Variants in E2F7 observed in about 807,000 individuals in gnomAD.
E2F7 encodes the protein E2F transcription factor 7, also known as transcription factor E2F7.
In E2F7, 35 loss-of-function variants were observed where a neutral mutation model predicts 81.1. That is an observed-to-expected ratio of 0.43 (90% confidence interval 0.33 to 0.57). The LOEUF is 0.57. E2F7 is among the 20% of genes least tolerant of loss of function. The pLI is 0.04. For synonymous variants in E2F7, 416 were observed against 416.2 expected, an observed-to-expected ratio of 1.00 and a Z score of 0.01; for missense variants, 961 against 1,093.7, an observed-to-expected ratio of 0.88 and a Z score of 1.71.
chr12:77,034,143 C>T, intron 7 of E2F7, 101 bp from the exon 8 acceptor site: 1 of 947,052 alleles, frequency 1.1e-6, no homozygotes, highest in Non-Finnish European at 1.5e-6. Context: ...TGTAATGGAG[C>T]TATCACCCTA....
At position 77,030,065 on chromosome 12, in the gene E2F7, G is replaced by C. The variant is rs1041733936; in HGVS notation, c.1650C>G (p.Pro550=). ...CATACAGCATGAACAGTGAGGCAGAGGGCACATACACTAGAGGCTGGCCAG... is the reference window on the plus strand; with the variant it reads ...CATACAGCATGAACAGTGAGGCAGACGGCACATACACTAGAGGCTGGCCAG... The part of the protein sequence containing the change: ...LLAGQPLVYV[P]SASLFMLYGS... The change falls in exon 10 of 13, where the codon CCC becomes CCG. Residue 550 remains proline, a synonymous_variant. Coordinates refer to ENST00000322886, the MANE Select transcript of E2F7 (RefSeq NM_203394.3). The C allele has an allele frequency of 3.1e-6, 5 of 1,614,066 alleles. No homozygotes were observed. Among genetic ancestry groups the C allele is most frequent in the Non-Finnish European group, 4.2e-6 (5 of 1,180,040 alleles).
At chr12:77,055,362 T>A (rs1022661838) in intron 3 of E2F7, among the ~76,000 whole-genome samples, 3 of 151,964 alleles carry the variant, frequency 2.0e-5, no homozygotes, top group African/African-American at 7.3e-5. Flanking sequence ...TACCTTTTTT[T>A]TTTTTTTTAA....
intron 4 of E2F7, among the ~76,000 whole-genome samples, chr12:77,046,778 T>TC (rs533372235): frequency 6.6e-6 from 1 of 152,234 alleles, no homozygotes; most frequent in African/African-American, 2.4e-5. Flanking sequence ...AACTGACACT[T>TC]CCCTATTAGA....
chr12:77,032,716 T>G (rs1253874466), intron 9 of E2F7, among the ~76,000 whole-genome samples: 1 of 152,204 alleles, frequency 6.6e-6, no homozygotes, highest in South Asian at 2.1e-4. Context: ...TGGTAGTTAG[T>G]GGCAAAACCA....
Position 77,043,190 on chromosome 12 carries a change from C to T in E2F7, c.998G>A (p.Arg333Gln). ...AACATTGGCTATGTCATAGAGGCGTCGTACCTTTGCTTGAAGATATAAAAC... is the reference window on the plus strand; with the variant it reads ...AACATTGGCTATGTCATAGAGGCGTTGTACCTTTGCTTGAAGATATAAAAC... ...PDHSKFKTKVRRLYDIANVLT... is the reference protein window; with the variant it reads ...PDHSKFKTKVQRLYDIANVLT... The change falls in exon 7 of 13, where the codon CGA (arginine) becomes CAA (glutamine). Residue 333 changes from arginine to glutamine, a missense_variant. Coordinates refer to ENST00000322886, the MANE Select transcript of E2F7 (RefSeq NM_203394.3). 6.2e-7 allele frequency: 1 copy of T among 1,614,070 alleles called. No homozygotes were observed. Among genetic ancestry groups the T allele is most frequent in the Non-Finnish European group, 8.5e-7 (1 of 1,180,020 alleles).
At chr12:77,031,771 A>T (rs1327459689) in intron 9 of E2F7, among the ~76,000 whole-genome samples, 4 of 152,192 alleles carry the variant, frequency 2.6e-5, no homozygotes, top group Non-Finnish European at 5.9e-5. Flanking sequence ...TGTTTTGCCT[A>T]CCATCTCACT....
In E2F7 at chr12:77,024,000, TGGCAAAGC is replaced by T; in HGVS notation, c.*7_*14del. 7.3e-7 allele frequency: 1 copy of T among 1,360,714 alleles called. No individual in the cohort carries two copies. Among genetic ancestry groups the T allele is most frequent in the Non-Finnish European group, 1.0e-6 (1 of 981,350 alleles). The allele number at this position is 1,360,714 out of a possible 1,614,324, so 84.3% of individuals were successfully genotyped here. Reference sequence around the variant, plus strand: ...CAGGGCGTTTGATCCCACCCCCACCTGGCAAAGCGGCAGGTTAGTCAGCGCCGCCGCTG... The same window carrying T: ...CAGGGCGTTTGATCCCACCCCCACCTGGCAGGTTAGTCAGCGCCGCCGCTG... On this transcript the variant is annotated 3_prime_UTR_variant, in exon 13 of 13. Transcript: ENST00000322886.
chr12:77,031,127 CTAG>C (rs1203643047), intron 9 of E2F7, among the ~76,000 whole-genome samples: 2 of 152,046 alleles, frequency 1.3e-5, no homozygotes, highest in African/African-American at 4.8e-5. Flanking sequence ...TGTGGGGGGC[CTAG>C]GAGGATTGCT....
chr12:77,026,968 A>G (rs924164359), intron 11 of E2F7, among the ~76,000 whole-genome samples: 1 of 152,258 alleles, frequency 6.6e-6, no homozygotes, highest in East Asian at 1.9e-4. Context: ...TCCATGGCAC[A>G]GAAAAAGTTA....
intron 11 of E2F7, 96 bp from the exon 12 acceptor site, chr12:77,026,078 A>G (rs996393094): frequency 7.3e-7 from 1 of 1,364,410 alleles, no homozygotes; most frequent in East Asian, 2.5e-5. Context: ...ACGGGAGTCC[A>G]CAATAAATCA....
At chr12:77,043,318 G>T in intron 6 of E2F7, 119 bp from the exon 7 acceptor site, 1 of 1,312,034 alleles carries the variant, frequency 7.6e-7, no homozygotes, top group Non-Finnish European at 1.1e-6. Context: ...GCAGCAGGTT[G>T]GGATGAGGAG....
Position 77,025,638 on chromosome 12 carries a change from A to G in E2F7, c.2485T>C (p.Ser829Pro), listed in dbSNP as rs1354753212. The G allele has an allele frequency of 1.2e-6, 2 of 1,614,182 alleles. No individual in the cohort carries two copies. Among genetic ancestry groups the G allele is most frequent in the Admixed American group, 1.7e-5 (1 of 60,022 alleles). The part of the protein sequence containing the change: ...QPSLNLSPVM[S>P]RSHSVVQQPE... ...TGTTGGACGACACTGTGTGACCTTG[A>G]CATCACTGGACTTAGGTTTAGTGAG... Residue 829 changes from serine (S) to proline (P), a missense_variant, in exon 12 of 13, where the codon TCA becomes CCA. By Grantham distance (74) the Ser-to-Pro change is moderately conservative. Coordinates refer to ENST00000322886, the MANE Select transcript of E2F7 (RefSeq NM_203394.3).
chr12:77,027,738 A>G, intron 11 of E2F7, 145 bp downstream of exon 11: 1 of 1,092,928 alleles, frequency 9.1e-7, no homozygotes, highest in Non-Finnish European at 1.3e-6. Flanking sequence ...TCATTTATAG[A>G]TGGAGAAAAC....
chr12:77,064,670 C>T (rs1955103450), intron 1 of E2F7, 35 bp from the exon 2 acceptor site: 1 of 1,583,428 alleles, frequency 6.3e-7, no homozygotes, highest in South Asian at 1.1e-5. Context: ...AATGATTTTG[C>T]AATTAGGTAT....
intron 7 of E2F7, among the ~76,000 whole-genome samples, chr12:77,040,719 G>A (rs758033295): frequency 6.6e-6 from 1 of 152,100 alleles, no homozygotes; most frequent in African/African-American, 2.4e-5. Flanking sequence ...ATTACAAAGG[G>A]GGCAGGAGGA....
chr12:77,036,759 T>A (rs1172172657), intron 7 of E2F7, among the ~76,000 whole-genome samples: 2 of 149,982 alleles, frequency 1.3e-5, no homozygotes, highest in East Asian at 4.0e-4. Context: ...TTTTTTTTTT[T>A]GAGACAGAGT....
rs1471608463 is a variant in E2F7, at chr12:77,023,853, CT to C, written c.*161del. 1.7e-5 allele frequency: 15 copies of C among 875,330 alleles called. No individual in the cohort carries two copies. Among genetic ancestry groups the C allele is most frequent in the Admixed American group, 1.4e-4 (5 of 34,888 alleles). The allele number at this position is 875,330 out of a possible 1,614,324, so 54.2% of individuals were successfully genotyped here. On this transcript the variant is annotated 3_prime_UTR_variant, in exon 13 of 13. Transcript: ENST00000322886. ...CTGGTATTAAATGCACAATTAATTA[CT>C]TTCAGGAAATCAGATGATTGATGGT...
chr12:77,027,961 C>T lies in E2F7; in HGVS notation c.2062G>A (p.Val688Ile). The T allele has an allele frequency of 6.2e-7, 1 of 1,614,192 alleles. No homozygotes were observed. Among genetic ancestry groups the T allele is most frequent in the Non-Finnish European group, 8.5e-7 (1 of 1,180,032 alleles). Residue 688 changes from valine (V) to isoleucine (I), a missense_variant, in exon 11 of 13, where the codon GTT (valine) becomes ATT (isoleucine). Around this residue, in one of 3 missense-constraint regions of E2F7, gnomAD observed 587 missense variants for 620.3 expected, o/e 0.95. Transcript: ENST00000322886. ...TCATTTTCTTTTGAAGGCTTTTCAA[C>T]ATCTGTATTTCTTGAAGGATTTCCC... Reference protein sequence around the residue: ...EWGNPSRNTDVEKPSKENEST... With the variant: ...EWGNPSRNTDIEKPSKENEST...
chr12:77,053,369 G>T (rs995952791), intron 3 of E2F7, among the ~76,000 whole-genome samples: 2 of 152,184 alleles, frequency 1.3e-5, no homozygotes, highest in African/African-American at 2.4e-5. Flanking sequence ...TAATAGAAGA[G>T]AACTGATTCT....
Sources: allele counts gnomAD v4.1 joint callset (sites outside exome capture counted in the v4.1 genomes callset), GRCh38; gene constraint gnomAD v4.1.1; regional missense constraint gnomAD v4.1.1; transcripts MANE v1.5; gene names NCBI Gene and HGNC (gene_info 2026-07-23, HGNC 2026-07-21).